FRMD4A: variants seen among roughly 807,000 people sequenced by gnomAD.
FRMD4A encodes FERM domain-containing protein 4A.
Under a neutral mutation model 129.1 loss-of-function variants are expected in FRMD4A, and 29 were observed. The ratio of observed to expected loss-of-function variants is 0.22; its 90% CI spans 0.17 to 0.31. The LOEUF (loss-of-function observed/expected upper bound fraction) is 0.31, where lower values mean the gene tolerates loss of function less well. FRMD4A is among the 10% of genes least tolerant of loss of function. The pLI is 1.00. For synonymous variants in FRMD4A, 634 were observed against 571.6 expected, an observed-to-expected ratio of 1.11 and a Z score of -1.56; for missense variants, 1,272 against 1,375.8, an observed-to-expected ratio of 0.92 and a Z score of 1.19.
chr10:13,994,714 A>T (rs2095616392), intron 2 of FRMD4A, among the ~76,000 whole-genome samples: 1 of 152,176 alleles, frequency 6.6e-6, no homozygotes, highest in Non-Finnish European at 1.5e-5. Context: ...AGACATATGT[A>T]TTTTTTCCTT....
chr10:14,275,727 C>A (rs897760220), intron 2 of FRMD4A, among the ~76,000 whole-genome samples: 1 of 152,104 alleles, frequency 6.6e-6, no homozygotes, highest in Non-Finnish European at 1.5e-5. Flanking sequence ...AAGAGTCCAC[C>A]CCTGTCTTCA....
intron 2 of FRMD4A, among the ~76,000 whole-genome samples, chr10:14,139,170 G>A (rs1839704875): frequency 6.6e-6 from 1 of 152,208 alleles, no homozygotes; most frequent in South Asian, 2.1e-4. Context: ...CATGGGGAAT[G>A]AAGCCAATTA....
intron 2 of FRMD4A, among the ~76,000 whole-genome samples, chr10:14,022,907 A>T (rs1832824518): frequency 6.6e-6 from 1 of 152,146 alleles, no homozygotes; most frequent in African/African-American, 2.4e-5. Context: ...ACTTTGTGGT[A>T]TTGAAATAAA....
chr10:13,718,725 C>T (rs1219887154), intron 12 of FRMD4A, among the ~76,000 whole-genome samples: 1 of 152,188 alleles, frequency 6.6e-6, no homozygotes. Flanking sequence ...TACTCTGCAG[C>T]CTGCCTTAAA....
chr10:14,017,887 T>C (rs2095704224), intron 2 of FRMD4A, among the ~76,000 whole-genome samples: 1 of 152,194 alleles, frequency 6.6e-6, no homozygotes, highest in Admixed American at 6.5e-5. Flanking sequence ...TGGTTTATGT[T>C]GAATGTGTTC....
At chr10:14,106,807 T>C (rs1837610135) in intron 2 of FRMD4A, among the ~76,000 whole-genome samples, 1 of 152,216 alleles carries the variant, frequency 6.6e-6, no homozygotes, top group Non-Finnish European at 1.5e-5. Flanking sequence ...TGGAGATTTC[T>C]GAAGGAACTT....
intron 2 of FRMD4A, among the ~76,000 whole-genome samples, chr10:14,150,551 C>A (rs562750237): frequency 1.3e-5 from 2 of 152,298 alleles, no homozygotes; most frequent in East Asian, 3.9e-4. Context: ...CAGCCTCCCC[C>A]AATCCTGCCT....
At chr10:14,305,716 G>A (rs1846327225) in intron 2 of FRMD4A, among the ~76,000 whole-genome samples, 1 of 151,958 alleles carries the variant, frequency 6.6e-6, no homozygotes, top group Non-Finnish European at 1.5e-5. Flanking sequence ...GCAAAGACAT[G>A]AAATCAACCT....
At chr10:13,963,219 G>C (rs1379207781) in intron 2 of FRMD4A, among the ~76,000 whole-genome samples, 1 of 147,660 alleles carries the variant, frequency 6.8e-6, no homozygotes, top group Admixed American at 6.9e-5. Context: ...GTGCAGACTT[G>C]ACAGAGAAAT....
At chr10:14,137,096 C>T (rs1451462948) in intron 2 of FRMD4A, among the ~76,000 whole-genome samples, 2 of 152,256 alleles carry the variant, frequency 1.3e-5, no homozygotes, top group African/African-American at 2.4e-5. Flanking sequence ...GTCCTGCTTT[C>T]CTGATCTCTG....
intron 2 of FRMD4A, among the ~76,000 whole-genome samples, chr10:14,024,311 G>A (rs185359983): frequency 1.4e-3 from 217 of 152,320 alleles, no homozygotes; most frequent in Non-Finnish European, 2.6e-3. Flanking sequence ...GGAGTGGCAG[G>A]GGAGACTCTC....
intron 2 of FRMD4A, among the ~76,000 whole-genome samples, chr10:13,947,451 C>T (rs913961395): frequency 4.6e-5 from 7 of 152,146 alleles, no homozygotes; most frequent in Admixed American, 2.6e-4. Flanking sequence ...TCAGTTACCC[C>T]TCTCTGTGGT....
chr10:13,666,386 C>G, intron 17 of FRMD4A, 61 bp from the exon 18 acceptor site: 1 of 1,150,616 alleles, frequency 8.7e-7, no homozygotes, highest in South Asian at 1.3e-5. Flanking sequence ...GACCCTCATC[C>G]TTCCCTCCCC....
In FRMD4A at chr10:13,782,476, C is replaced by T. The variant is rs564724850; in HGVS notation, c.384+446G>A. ...TTTTTTTTTTTTGAGATGGAGTCTC[C>T]GCCTGTCACCAGGCTGGAGTGCAGT... On this transcript the variant is annotated intron_variant, in intron 6 of 24. Transcript: ENST00000357447. 7.9e-3 allele frequency among the ~76,000 whole-genome samples: 1,193 copies of T among 150,226 alleles called. 13 individuals are homozygous for T. Among genetic ancestry groups the T allele is most frequent in the African/African-American group, 0.023 (933 of 40,880 alleles).
chr10:14,166,685 AC>A (rs1231230652), intron 2 of FRMD4A, among the ~76,000 whole-genome samples: 1 of 152,100 alleles, frequency 6.6e-6, no homozygotes, highest in African/African-American at 2.4e-5. Context: ...ATTATTACTC[AC>A]CCAAAGAACA....
At chr10:14,102,940 G>C (rs978076003) in intron 2 of FRMD4A, among the ~76,000 whole-genome samples, 1 of 152,194 alleles carries the variant, frequency 6.6e-6, no homozygotes, top group Non-Finnish European at 1.5e-5. Context: ...GTGCATGGGA[G>C]GTTTCATGTG....
chr10:14,320,408 A>C (rs985195628), intron 2 of FRMD4A, among the ~76,000 whole-genome samples: 3 of 152,166 alleles, frequency 2.0e-5, no homozygotes, highest in African/African-American at 7.2e-5. Flanking sequence ...TGGCGGTTTA[A>C]CATTTCCTCC....
At chr10:13,848,078 T>A (rs537170846) in intron 3 of FRMD4A, among the ~76,000 whole-genome samples, 1 of 152,212 alleles carries the variant, frequency 6.6e-6, no homozygotes, top group South Asian at 2.1e-4. Flanking sequence ...GTGAGTTGAG[T>A]TTGTTTTAAT....
In FRMD4A at chr10:14,014,109, GAC is replaced by G. The variant is rs373598424; in HGVS notation, c.46-155199_46-155198del. ...TGCAGGGGAAGGATTTGGAGGTGGAGACACACACCCATGGTTCCCACTGCAGC... is the reference window on the plus strand; with the variant it reads ...TGCAGGGGAAGGATTTGGAGGTGGAGACACACCCATGGTTCCCACTGCAGC... On this transcript the variant is annotated intron_variant, in intron 2 of 24. Transcript: ENST00000357447. Among the ~76,000 whole-genome samples, 52 of 152,228 alleles carry G rather than the reference GAC, an allele frequency of 3.4e-4. No homozygotes were observed. In the South Asian group the frequency reaches 0.011, roughly 31 times the overall value.
Sources: allele counts gnomAD v4.1 joint callset (sites outside exome capture counted in the v4.1 genomes callset), GRCh38; gene constraint gnomAD v4.1.1; transcripts MANE v1.5; gene names NCBI Gene and HGNC (gene_info 2026-07-23, HGNC 2026-07-21).